The following SDK1 variants were observed in gnomAD, a reference collection of about 807,000 sequenced individuals.
SDK1 encodes sidekick cell adhesion molecule 1.
A neutral mutation model predicts 245.5 loss-of-function variants in SDK1; 157 were observed. The observed-to-expected ratio is 0.64, with a 90% confidence interval of 0.56 to 0.73. SDK1 has a LOEUF of 0.73. Among genes scored for constraint, SDK1 ranks in the 30% least tolerant of loss-of-function variants. The pLI, the probability that SDK1 is intolerant of heterozygous loss-of-function variation, is 0.00. For missense variants in SDK1, 3,583 were observed against 3,002.3 expected, an observed-to-expected ratio of 1.19 and a Z score of -4.52; for synonymous variants, 1,647 against 1,278.5, an observed-to-expected ratio of 1.29 and a Z score of -6.15.
chr7:3,675,821 G>A (rs1239697168), intron 4 of SDK1, among the ~76,000 whole-genome samples: 1 of 152,006 alleles, frequency 6.6e-6, no homozygotes, highest in Non-Finnish European at 1.5e-5. Flanking sequence ...GCCATGCCCC[G>A]TATGTCTTCT....
At chr7:4,111,508 A>G (rs1783343029) in intron 23 of SDK1, among the ~76,000 whole-genome samples, 1 of 151,466 alleles carries the variant, frequency 6.6e-6, no homozygotes, top group African/African-American at 2.5e-5. Context: ...TCTTTCCGGC[A>G]CAAAACCAAA....
At chr7:3,572,123 C>A (rs1229561141) in intron 1 of SDK1, among the ~76,000 whole-genome samples, 1 of 152,052 alleles carries the variant, frequency 6.6e-6, no homozygotes, top group Non-Finnish European at 1.5e-5. Context: ...TTTTATTCAA[C>A]TCAACAAACA....
intron 1 of SDK1, among the ~76,000 whole-genome samples, chr7:3,554,422 AT>A (rs35498361): frequency 0.2 from 30,979 of 152,102 alleles, 3,430 homozygotes; most frequent in South Asian, 0.35. Context: ...ATACCAAAAT[AT>A]TTGGGACGCA....
At chr7:3,771,212 C>T (rs996692549) in intron 4 of SDK1, among the ~76,000 whole-genome samples, 1 of 152,090 alleles carries the variant, frequency 6.6e-6, no homozygotes, top group Non-Finnish European at 1.5e-5. Flanking sequence ...CCCACCTGGG[C>T]TTGTGCACAT....
intron 20 of SDK1, among the ~76,000 whole-genome samples, chr7:4,071,892 G>C (rs936404047): frequency 3.9e-5 from 6 of 152,332 alleles, no homozygotes; most frequent in African/African-American, 1.4e-4. Context: ...TGGTAGATGT[G>C]TGTACACAGA....
chr7:3,430,964 G>T (rs866099810), intron 1 of SDK1, among the ~76,000 whole-genome samples: 1 of 152,220 alleles, frequency 6.6e-6, no homozygotes, highest in Non-Finnish European at 1.5e-5. Context: ...GCAGTGGCTA[G>T]ATCTTGGCTT....
chr7:4,242,394 G>A (rs911667300), intron 43 of SDK1, among the ~76,000 whole-genome samples: 1 of 152,162 alleles, frequency 6.6e-6, no homozygotes, highest in Non-Finnish European at 1.5e-5. Context: ...GAGTGCAGGC[G>A]AGAAGGATTT....
intron 4 of SDK1, among the ~76,000 whole-genome samples, chr7:3,666,068 C>G (rs149136781): frequency 3.3e-5 from 5 of 152,196 alleles, no homozygotes; most frequent in African/African-American, 9.7e-5. Flanking sequence ...TGCAGGAAAT[C>G]TCAGCTGATC....
intron 1 of SDK1, among the ~76,000 whole-genome samples, chr7:3,386,225 G>C (rs1330040667): frequency 1.3e-5 from 2 of 152,158 alleles, no homozygotes; most frequent in Admixed American, 6.5e-5. Context: ...TGTAAGGTTA[G>C]TGATACAAAG....
chr7:3,487,816 G>C (rs1221929234), intron 1 of SDK1, among the ~76,000 whole-genome samples: 1 of 148,788 alleles, frequency 6.7e-6, no homozygotes, highest in Non-Finnish European at 1.5e-5. Context: ...CCAAAGCTCA[G>C]CCCAACAAAA....
intron 1 of SDK1, among the ~76,000 whole-genome samples, chr7:3,478,840 G>C (rs545520794): frequency 6.8e-6 from 1 of 147,140 alleles, no homozygotes; most frequent in Admixed American, 6.7e-5. Context: ...AAATGTGTAC[G>C]TTTTTTTCTA....
rs192142046 is a variant in SDK1 at position 4,118,675 on chromosome 7, C to G, written c.3823+4401C>G. Among the ~76,000 whole-genome samples the G allele has an allele frequency of 2.7e-3, 338 of 124,840 alleles. 24 individuals are homozygous for G. The highest frequency in any genetic ancestry group is 8.8e-3 in the African/African-American group (321 of 36,280). 81.9% of individuals were successfully genotyped at this position (124,840 alleles called of 152,430 possible). A position where few individuals can be genotyped will look rare whatever the true frequency, so the allele number is the denominator to read the frequency against. On this transcript the variant is annotated intron_variant, in intron 25 of 44. Transcript: ENST00000404826. ...ATAGTAGCCGAAAAGTGGAAACAAC[C>G]AAAATATCACTCAGTTGACAAATGG...
rs79731386 is a variant in SDK1 at position 4,159,381 on chromosome 7, C to T, written c.4729+830C>T. Among the ~76,000 whole-genome samples the T allele has an allele frequency of 4.6e-3, 704 of 152,270 alleles. 3 individuals are homozygous for T. The highest frequency in any genetic ancestry group is 0.017 in the African/African-American group (690 of 41,564). ...GCAGAGGGTTTGAGCAAACCATTCC[C>T]GGCTTCTCAGCAACTCACAGAGGCT... On this transcript the variant is annotated intron_variant, in intron 31 of 44. Transcript: ENST00000404826.
At chr7:3,576,798 C>G (rs960409026) in intron 1 of SDK1, among the ~76,000 whole-genome samples, 6 of 152,000 alleles carry the variant, frequency 3.9e-5, no homozygotes, top group African/African-American at 1.2e-4. Context: ...TTCCTTGATT[C>G]AGGCAGAAGG....
intron 17 of SDK1, among the ~76,000 whole-genome samples, chr7:4,037,371 T>C (rs374704570): frequency 1.1e-3 from 148 of 139,212 alleles, no homozygotes; most frequent in African/African-American, 4.6e-3. Flanking sequence ...GTAATCCCAA[T>C]ACTTTGGGAG....
At chr7:4,166,229 C>G (rs1781493168) in intron 32 of SDK1, among the ~76,000 whole-genome samples, 1 of 152,264 alleles carries the variant, frequency 6.6e-6, no homozygotes, top group Admixed American at 6.5e-5. Flanking sequence ...AGGCATCCCG[C>G]CGCTTCAGAA....
At chr7:3,312,799 A>G (rs1311986367) in intron 1 of SDK1, among the ~76,000 whole-genome samples, 1 of 152,220 alleles carries the variant, frequency 6.6e-6, no homozygotes, top group Non-Finnish European at 1.5e-5. Flanking sequence ...AAGAGGAAAT[A>G]GAGTAGGAGA....
intron 4 of SDK1, among the ~76,000 whole-genome samples, chr7:3,672,759 T>TTTTATATATA (rs1554307102): frequency 3.9e-5 from 2 of 50,744 alleles, no homozygotes; most frequent in African/African-American, 8.7e-5. Flanking sequence ...ATATATAATT[T>TTTTATATATA]TATATATATA....
intron 30 of SDK1, among the ~76,000 whole-genome samples, chr7:4,155,364 C>T (rs998174507): frequency 6.6e-6 from 1 of 152,200 alleles, no homozygotes. Context: ...GCACCCAAAC[C>T]CATTTGTCTG....
Sources: allele counts gnomAD v4.1 joint callset (sites outside exome capture counted in the v4.1 genomes callset), GRCh38; gene constraint gnomAD v4.1.1; transcripts MANE v1.5; gene names NCBI Gene and HGNC (gene_info 2026-07-23, HGNC 2026-07-21).